The following IPP variants were observed in gnomAD, a reference collection of about 807,000 sequenced individuals.
The protein encoded by IPP is actin-binding protein IPP.
A neutral mutation model predicts 64.1 loss-of-function variants in IPP; 41 were observed. That is an observed-to-expected ratio of 0.64 (90% CI 0.50 to 0.83). The LOEUF is 0.83. Among genes scored for constraint, IPP ranks in the 40% least tolerant of loss-of-function variants. The probability of loss-of-function intolerance (pLI) is 0.00; values close to 1 mark genes in which losing one functional copy is unlikely to be tolerated. For synonymous variants in IPP, 214 were observed against 235.2 expected, an observed-to-expected ratio of 0.91 and a Z score of 0.83; for missense variants, 649 against 703.0, an observed-to-expected ratio of 0.92 and a Z score of 0.87.
At chr1:45,735,286 A>G (rs1208710373) in intron 3 of IPP, among the ~76,000 whole-genome samples, 143 of 128,498 alleles carry the variant, frequency 1.1e-3, no homozygotes, top group Middle Eastern at 0.011. Flanking sequence ...GTTTCACCAT[A>G]TTGGCCAGGC....
intron 2 of IPP, 70 bp downstream of exon 2, chr1:45,746,050 T>G: frequency 7.6e-7 from 1 of 1,320,866 alleles, no homozygotes; most frequent in East Asian, 2.3e-5. Flanking sequence ...TAGATCAATT[T>G]ATATTTCCAC....
In IPP at chr1:45,699,524, AC is replaced by A; in HGVS notation, c.*441del. On this transcript the variant is annotated 3_prime_UTR_variant, in exon 9 of 9. Coordinates refer to ENST00000396478, the MANE Select transcript of IPP (RefSeq NM_005897.3). ...CAAATTTGTAAAATAGGAGTTGTCTACACTTAAACTGGAGAATTCTACAGCA... is the reference window on the plus strand; with the variant it reads ...CAAATTTGTAAAATAGGAGTTGTCTAACTTAAACTGGAGAATTCTACAGCA... The A allele has an allele frequency of 1.0e-6, 1 of 989,002 alleles. No homozygotes were observed. Among genetic ancestry groups the A allele is most frequent in the Non-Finnish European group, 1.2e-6 (1 of 832,014 alleles). The allele number at this position is 989,002 out of a possible 1,614,324, so 61.3% of individuals were successfully genotyped here.
In IPP at chr1:45,718,923, G is replaced by C. The variant is rs111912657; in HGVS notation, c.1186+280C>G. ...AATACAAAAAAAAAAAAAAAAGAAT[G>C]AATAAGACCTAGTATTTGATAGTGC... On this transcript the variant is annotated intron_variant, in intron 6 of 8. Coordinates refer to ENST00000396478, the MANE Select transcript of IPP (RefSeq NM_005897.3). 5.0e-3 allele frequency among the ~76,000 whole-genome samples: 751 copies of C among 150,380 alleles called. 7 individuals are homozygous for C. Among genetic ancestry groups the C allele is most frequent in the African/African-American group, 0.017 (707 of 41,146 alleles).
intron 7 of IPP, among the ~76,000 whole-genome samples, chr1:45,715,056 A>G (rs1047269928): frequency 1.3e-5 from 2 of 151,956 alleles, no homozygotes; most frequent in Admixed American, 1.3e-4. Context: ...TTAGCCAGGC[A>G]TGGTGGTGTG....
At chr1:45,731,899 T>C (rs1443413873) in intron 3 of IPP, among the ~76,000 whole-genome samples, 1 of 146,206 alleles carries the variant, frequency 6.8e-6, no homozygotes, top group Non-Finnish European at 1.5e-5. Context: ...TCACGGCCAC[T>C]GCACTCCAGC....
In IPP at chr1:45,699,979, A is replaced by T. The variant is rs1394042417; in HGVS notation, c.1742T>A (p.Val581Asp). The change falls in exon 9 of 9, where the codon GTT becomes GAT. Residue 581 changes from valine (V) to aspartate (D), a missense_variant. Transcript: ENST00000396478. ...ATGCTTTATATTTCATAGCACAGCA[A>T]CGCCCCCTTCACAACGACTGGTGAT... Reference protein sequence around the residue: ...NMITSRCEGGVAVL With the variant: ...NMITSRCEGGDAVL 2.5e-6 allele frequency: 4 copies of T among 1,614,228 alleles called. No individual in the cohort carries two copies. The East Asian group carries it at 8.9e-5, about 36-fold the overall frequency.
At chr1:45,710,273 T>TGTGAG (rs1348269557) in intron 8 of IPP, among the ~76,000 whole-genome samples, 2 of 111,630 alleles carry the variant, frequency 1.8e-5, no homozygotes, top group Non-Finnish European at 3.8e-5. Context: ...GAAAACATGA[T>TGTGAG]GTGAGATAGA....
At chr1:45,711,311 A>C (rs183661042) in intron 8 of IPP, among the ~76,000 whole-genome samples, 8 of 152,262 alleles carry the variant, frequency 5.3e-5, no homozygotes, top group Admixed American at 3.3e-4. Flanking sequence ...ATTGCACTTC[A>C]GCCTGGCAAC....
intron 8 of IPP, among the ~76,000 whole-genome samples, 191 bp downstream of exon 8, chr1:45,714,055 G>A (rs955481787): frequency 2.0e-5 from 3 of 151,902 alleles, no homozygotes; most frequent in African/African-American, 7.3e-5. Context: ...AGTAAGAACA[G>A]AAATCAATAA....
intron 5 of IPP, among the ~76,000 whole-genome samples, chr1:45,725,346 CAGCCCCCCGCCCGGCCAGCCA>C (rs1645806001): frequency 6.9e-6 from 1 of 145,160 alleles, no homozygotes; most frequent in Non-Finnish European, 1.5e-5. Flanking sequence ...GTGGGGGTGT[CAGCCCCCCGCCCGGCCAGCCA>C]CCCCATCCGG....
chr1:45,729,684 C>T lies in IPP; in HGVS notation c.810G>A (p.Lys270=). The T allele has an allele frequency of 6.2e-7, 1 of 1,612,562 alleles. No individual in the cohort carries two copies. ...CEVCKSPKEN[K]FCSFLQTSKV... ...TAGATGTCTGCAGAAAACTACAAAA[C>T]TTGTTCTCTTTGGGAGATTTGCATA... is the stretch of plus-strand genomic sequence containing the variant. The change falls in exon 4 of 9, where the codon AAG becomes AAA. Residue 270 remains lysine, a synonymous_variant. Transcript: ENST00000396478.
intron 8 of IPP, among the ~76,000 whole-genome samples, chr1:45,709,053 A>AG (rs1553188788): frequency 1.4e-5 from 2 of 146,674 alleles, no homozygotes; most frequent in African/African-American, 5.0e-5. Flanking sequence ...AAAAAAAAAA[A>AG]GGAGAAAAAA....
chr1:45,701,592 T>C (rs1645456925), intron 8 of IPP, among the ~76,000 whole-genome samples: 1 of 152,180 alleles, frequency 6.6e-6, no homozygotes, highest in Admixed American at 6.5e-5. Context: ...CAGCGACTAG[T>C]AGTGTCTTAC....
At chr1:45,731,243 C>T (rs1424725519) in intron 3 of IPP, among the ~76,000 whole-genome samples, 1 of 152,102 alleles carries the variant, frequency 6.6e-6, no homozygotes, top group Non-Finnish European at 1.5e-5. Flanking sequence ...GAGTTCAAGA[C>T]CAGCCTGGGC....
In IPP at chr1:45,699,274, T is replaced by C. The variant is rs1338393390; in HGVS notation, c.*692A>G. On this transcript the variant is annotated 3_prime_UTR_variant, in exon 9 of 9. Transcript: ENST00000396478. ...AAAAGTTTGGGGCTAGTGAAAACTC[T>C]TGGCATTAAATAAAAGTAGGAATCT... The C allele has an allele frequency of 1.0e-6, 1 of 985,412 alleles. No individual in the cohort carries two copies. Among genetic ancestry groups the C allele is most frequent in the Non-Finnish European group, 1.2e-6 (1 of 829,916 alleles). The allele number at this position is 985,412 out of a possible 1,614,324, so 61.0% of individuals were successfully genotyped here. A position where few individuals can be genotyped will look rare whatever the true frequency, so the allele number is the denominator to read the frequency against.
At chr1:45,732,376 A>AAAAAAC (rs1327909563) in intron 3 of IPP, among the ~76,000 whole-genome samples, 1 of 150,916 alleles carries the variant, frequency 6.6e-6, no homozygotes, top group African/African-American at 2.4e-5. Context: ...AAAAAAAAAA[A>AAAAAAC]AAAACACAAA....
At chr1:45,730,583 G>A (rs1645893474) in intron 3 of IPP, among the ~76,000 whole-genome samples, 2 of 152,194 alleles carry the variant, frequency 1.3e-5, no homozygotes. Flanking sequence ...ATATGATGAG[G>A]TAGGTTGTCC....
At chr1:45,722,328 A>G (rs1221726131) in intron 5 of IPP, among the ~76,000 whole-genome samples, 1 of 152,016 alleles carries the variant, frequency 6.6e-6, no homozygotes, top group Non-Finnish European at 1.5e-5. Context: ...AGGCGGGTAG[A>G]TCACCTGAGT....
At chr1:45,711,442 A>G (rs1645589482) in intron 8 of IPP, among the ~76,000 whole-genome samples, 1 of 151,696 alleles carries the variant, frequency 6.6e-6, no homozygotes, top group Non-Finnish European at 1.5e-5. Flanking sequence ...AAAATATACC[A>G]TGAAAACACT....
Sources: gnomAD v4.1 joint callset for allele counts (sites outside exome capture counted in the v4.1 genomes callset) on GRCh38, gnomAD v4.1.1 for gene constraint, MANE v1.5 for transcripts, NCBI Gene and HGNC (gene_info 2026-07-23, HGNC 2026-07-21) for gene names.